The following KCNJ6 variants were observed in gnomAD, a reference collection of about 807,000 sequenced individuals.
KCNJ6 encodes potassium inwardly rectifying channel subfamily J member 6.
In KCNJ6, 9 loss-of-function variants were observed where a neutral mutation model predicts 34.2. The ratio of observed to expected loss-of-function variants is 0.26; its 90% CI spans 0.16 to 0.46. The LOEUF (loss-of-function observed/expected upper bound fraction) is 0.46. Ranked by LOEUF, KCNJ6 falls within the 20% of genes least tolerant of loss-of-function variation. KCNJ6 has a pLI of 1.00. For missense variants in KCNJ6, 236 were observed against 531.3 expected, an observed-to-expected ratio of 0.44 and a Z score of 5.46; for synonymous variants, 196 against 207.1, an observed-to-expected ratio of 0.95 and a Z score of 0.46.
chr21:37,810,364 A>G (rs1437650439), intron 2 of KCNJ6, among the ~76,000 whole-genome samples: 1 of 152,188 alleles, frequency 6.6e-6, no homozygotes, highest in Non-Finnish European at 1.5e-5. Flanking sequence ...CCTTGCATAC[A>G]TCTCTTGGTG....
intron 2 of KCNJ6, among the ~76,000 whole-genome samples, chr21:37,791,078 G>A (rs1489250455): frequency 2.0e-5 from 3 of 152,146 alleles, no homozygotes; most frequent in African/African-American, 4.8e-5. Context: ...TGGCTCCATG[G>A]TGCTGTTGGA....
chr21:37,717,003 TAAG>T (rs1173141433), intron 2 of KCNJ6: 1 of 154,376 alleles, frequency 6.5e-6, no homozygotes. Context: ...TTTATCTGAA[TAAG>T]AACATAGCCG....
chr21:37,818,505 G>A (rs932418728), intron 2 of KCNJ6, among the ~76,000 whole-genome samples: 8 of 152,036 alleles, frequency 5.3e-5, no homozygotes, highest in Admixed American at 2.6e-4. Flanking sequence ...AGGCTTTGAC[G>A]GCCTGCAACT....
chr21:37,894,407 G>A (rs2055777767), intron 1 of KCNJ6, among the ~76,000 whole-genome samples: 1 of 152,252 alleles, frequency 6.6e-6, no homozygotes. Context: ...GCTCACGCCT[G>A]TAATCCCAGC....
intron 3 of KCNJ6, among the ~76,000 whole-genome samples, chr21:37,673,134 G>A (rs533349091): frequency 2.0e-5 from 3 of 152,380 alleles, no homozygotes; most frequent in African/African-American, 7.2e-5. Context: ...GAATTGAGAG[G>A]AGACGGGGAC....
intron 3 of KCNJ6, among the ~76,000 whole-genome samples, chr21:37,635,588 C>G (rs1601397065): frequency 6.6e-6 from 1 of 152,092 alleles, no homozygotes; most frequent in East Asian, 1.9e-4. Flanking sequence ...AAGATCTTGG[C>G]TCACTGCAGC....
At chr21:37,802,085 C>G (rs1259101403) in intron 2 of KCNJ6, among the ~76,000 whole-genome samples, 1 of 152,186 alleles carries the variant, frequency 6.6e-6, no homozygotes, top group Non-Finnish European at 1.5e-5. Flanking sequence ...TTGACATCAC[C>G]AACTTTCAGA....
At chr21:37,668,611 C>A (rs1249403172) in intron 3 of KCNJ6, among the ~76,000 whole-genome samples, 1 of 152,134 alleles carries the variant, frequency 6.6e-6, no homozygotes, top group African/African-American at 2.4e-5. Context: ...AGATACACCT[C>A]GGCCCACAGC....
intron 1 of KCNJ6, among the ~76,000 whole-genome samples, chr21:37,874,898 G>A (rs1013619732): frequency 1.3e-4 from 20 of 152,088 alleles, no homozygotes; most frequent in African/African-American, 4.3e-4. Flanking sequence ...TGACCTGACT[G>A]GCCTCTCTGT....
chr21:37,769,760 C>A (rs1293979050), intron 2 of KCNJ6, among the ~76,000 whole-genome samples: 1 of 152,056 alleles, frequency 6.6e-6, no homozygotes, highest in African/African-American at 2.4e-5. Context: ...AAAGGTGGGG[C>A]CTTTAAGAGG....
At chr21:37,897,157 T>C (rs1212730965) in intron 1 of KCNJ6, among the ~76,000 whole-genome samples, 1 of 152,216 alleles carries the variant, frequency 6.6e-6, no homozygotes, top group Non-Finnish European at 1.5e-5. Flanking sequence ...CTCTCCATTC[T>C]ACAAGGCCAC....
chr21:37,727,629 G>C (rs1163175195), intron 2 of KCNJ6, among the ~76,000 whole-genome samples: 1 of 152,118 alleles, frequency 6.6e-6, no homozygotes, highest in Non-Finnish European at 1.5e-5. Flanking sequence ...AGGGATAGTC[G>C]GGTGTTTGAT....
Position 37,607,482 on chromosome 21 carries a change from A to ATATATATATTTTTT in KCNJ6, c.*17676_*17677insAAAAAATATATATA. The ATATATATATTTTTT allele has an allele frequency of 1.5e-3, 206 of 136,714 alleles. 1 individual carries two copies. The Middle Eastern group carries it at 0.02, about 13-fold the overall frequency. 8.5% of individuals were successfully genotyped at this position (136,714 alleles called of 1,614,324 possible). On this transcript the variant is annotated 3_prime_UTR_variant, in exon 4 of 4. Transcript: ENST00000609713. ...CTTAAAGATATATATATATATATAT[A>ATATATATATTTTTT]TTTTTTTTTTATTTTAAAAAAATTT... is the stretch of plus-strand genomic sequence containing the variant.
chr21:37,625,444 C>T lies in KCNJ6; in HGVS notation c.987G>A (p.Glu329=), dbSNP rs770849485. 22 of 1,614,010 alleles carry T rather than the reference C, an allele frequency of 1.4e-5. No individual in the cohort carries two copies. Among genetic ancestry groups the T allele is most frequent in the Non-Finnish European group, 1.7e-5 (20 of 1,179,990 alleles). ...GTGTGAACCGGTAACCCCACAGGAT[C>T]TCACTGGTGATGTAGGAGCTTCGAG... The part of the protein sequence containing the change: ...CQARSSYITS[E]ILWGYRFTPV... Residue 329 remains glutamate, a synonymous_variant, in exon 4 of 4, where the codon GAG becomes GAA. Coordinates refer to ENST00000609713, the MANE Select transcript of KCNJ6 (RefSeq NM_002240.5).
chr21:37,825,555 T>C (rs1477463467), intron 2 of KCNJ6, among the ~76,000 whole-genome samples: 1 of 152,232 alleles, frequency 6.6e-6, no homozygotes, highest in Non-Finnish European at 1.5e-5. Flanking sequence ...ATTTTCTTAC[T>C]TAAAGTGTTC....
At chr21:37,908,730 A>T (rs1056477002) in intron 1 of KCNJ6, among the ~76,000 whole-genome samples, 6 of 152,206 alleles carry the variant, frequency 3.9e-5, no homozygotes, top group South Asian at 2.1e-4. Context: ...AATTTATTTT[A>T]AAAAAATACA....
chr21:37,614,881 T>C lies in KCNJ6; in HGVS notation c.*10278A>G, dbSNP rs370580346. The C allele has an allele frequency of 6.6e-6, 1 of 152,140 alleles. No homozygotes were observed. The highest frequency in any genetic ancestry group is 1.9e-4 in the East Asian group (1 of 5,198). 9.4% of individuals were successfully genotyped at this position (152,140 alleles called of 1,614,324 possible). On this transcript the variant is annotated 3_prime_UTR_variant, in exon 4 of 4. Transcript: ENST00000609713. ...TGTTACTGTGTTACTTATGAAGGAC[T>C]GGGGACATTATTGTTGCATAGTGTA... is the stretch of plus-strand genomic sequence containing the variant.
intron 1 of KCNJ6, among the ~76,000 whole-genome samples, chr21:37,879,018 T>C (rs756636802): frequency 2.7e-4 from 41 of 152,156 alleles, no homozygotes; most frequent in Non-Finnish European, 4.7e-4. Context: ...ATATGGCTCT[T>C]CAGGGAGGTT....
At position 37,608,018 on chromosome 21, in the gene KCNJ6, ACC is replaced by A. The variant is rs1324864989; in HGVS notation, c.*17139_*17140del. 6.6e-6 allele frequency: 1 copy of A among 152,158 alleles called. No homozygotes were observed. The highest frequency in any genetic ancestry group is 1.5e-5 in the Non-Finnish European group (1 of 68,034). 9.4% of individuals were successfully genotyped at this position (152,158 alleles called of 1,614,324 possible). On this transcript the variant is annotated 3_prime_UTR_variant, in exon 4 of 4. Coordinates refer to ENST00000609713, the MANE Select transcript of KCNJ6 (RefSeq NM_002240.5). ...CAAAGTGCTTGACAGTTGTGTAAAG[ACC>A]TTTTGGTTTTGTCCAGTGAAAATTA... is the stretch of plus-strand genomic sequence containing the variant.
Sources: gnomAD v4.1 joint callset for allele counts (sites outside exome capture counted in the v4.1 genomes callset) on GRCh38, gnomAD v4.1.1 for gene constraint, MANE v1.5 for transcripts, NCBI Gene and HGNC (gene_info 2026-07-23, HGNC 2026-07-21) for gene names.